The following ATP9A variants were observed in gnomAD, a reference collection of about 807,000 sequenced individuals.
The protein encoded by ATP9A is ATPase phospholipid transporting 9A.
ATP9A carries 52 observed loss-of-function variants against 144.1 expected under a neutral mutation model. The ratio of observed to expected loss-of-function variants is 0.36; its 90% CI spans 0.29 to 0.45. The LOEUF is 0.45. ATP9A is among the 20% of genes least tolerant of loss of function. ATP9A has a pLI of 1.00. For synonymous variants in ATP9A, 582 were observed against 557.4 expected (o/e 1.04, Z -0.62); for missense variants, 947 against 1,392.7 (o/e 0.68, Z 5.09).
Position 51,639,305 on chromosome 20 carries a change from T to C in ATP9A, c.1668+38A>G, listed in dbSNP as rs765712082. ...AGGGACACACGCAGCACACCTGGGG[T>C]ACTTAAGCACTTTAAGCCATGAATA... On this transcript the variant is annotated intron_variant, in intron 15 of 27. Coordinates refer to ENST00000338821, the MANE Select transcript of ATP9A (RefSeq NM_006045.3). 5 of 1,580,004 alleles carry C rather than the reference T, an allele frequency of 3.2e-6. No homozygotes were observed. The East Asian group carries it at 6.8e-5, about 21-fold the overall frequency.
intron 14 of ATP9A, among the ~76,000 whole-genome samples, chr20:51,642,179 G>C (rs538414662): frequency 1.1e-3 from 167 of 151,974 alleles, no homozygotes; most frequent in African/African-American, 3.8e-3. Flanking sequence ...TTTCGTGATG[G>C]AGTCTCACTC....
intron 4 of ATP9A, among the ~76,000 whole-genome samples, chr20:51,703,578 A>G (rs1903604187): frequency 1.3e-5 from 2 of 152,046 alleles, no homozygotes; most frequent in African/African-American, 4.8e-5. Flanking sequence ...GTAGCGATGG[A>G]CCCCCAAGCC....
At chr20:51,700,585 C>A (rs761377126) in intron 4 of ATP9A, among the ~76,000 whole-genome samples, 1 of 152,226 alleles carries the variant, frequency 6.6e-6, no homozygotes, top group African/African-American at 2.4e-5. Flanking sequence ...AATCCCAACA[C>A]TTTGGGAGGC....
At chr20:51,641,682 T>G (rs1601076239) in intron 14 of ATP9A, among the ~76,000 whole-genome samples, 1 of 150,560 alleles carries the variant, frequency 6.6e-6, no homozygotes. Context: ...AAATAAAAAA[T>G]AAGCTGGGCG....
chr20:51,635,826 G>GGAAGGAAGGAAGGAAGGAAGGAACGA (rs1193048703), intron 15 of ATP9A, among the ~76,000 whole-genome samples: 1 of 46,830 alleles, frequency 2.1e-5, no homozygotes, highest in Non-Finnish European at 4.2e-5. Flanking sequence ...GGAAGGAAGG[G>GGAAGGAAGGAAGGAAGGAAGGAACGA]AGGGAGGGAG....
chr20:51,671,568 C>T (rs2077456040), intron 11 of ATP9A, among the ~76,000 whole-genome samples: 1 of 152,002 alleles, frequency 6.6e-6, no homozygotes, highest in South Asian at 2.1e-4. Flanking sequence ...ATTTTTGATG[C>T]TATATTCATT....
At chr20:51,676,107 A>G (rs1341795286) in intron 10 of ATP9A, 25 bp downstream of exon 10, 2 of 1,590,870 alleles carry the variant, frequency 1.3e-6, no homozygotes, top group Non-Finnish European at 1.7e-6. Context: ...CAGCCGGTCA[A>G]TGTACCCCAT....
At chr20:51,627,578 G>A (rs1274724044) in intron 17 of ATP9A, 22 bp downstream of exon 17, 49 of 1,609,964 alleles carry the variant, frequency 3.0e-5, no homozygotes, top group Non-Finnish European at 3.9e-5. Flanking sequence ...AAAGGCAATG[G>A]AAAGGTCCCA....
intron 15 of ATP9A, among the ~76,000 whole-genome samples, chr20:51,638,852 C>T (rs796634335): frequency 4.6e-5 from 7 of 152,150 alleles, no homozygotes; most frequent in African/African-American, 1.7e-4. Flanking sequence ...AACAACATAT[C>T]AAATCCAATC....
At chr20:51,667,677 G>A (rs1377479413) in intron 13 of ATP9A, among the ~76,000 whole-genome samples, 1 of 152,132 alleles carries the variant, frequency 6.6e-6, no homozygotes, top group Non-Finnish European at 1.5e-5. Context: ...GGAAAGCCGG[G>A]CAGCTACTGT....
intron 1 of ATP9A, among the ~76,000 whole-genome samples, chr20:51,767,028 G>T (rs1293713922): frequency 6.6e-6 from 1 of 151,164 alleles, no homozygotes; most frequent in Non-Finnish European, 1.5e-5. Context: ...GGAGGATTCA[G>T]GAAGCCAGGG....
Position 51,708,279 on chromosome 20 carries a change from C to T in ATP9A, c.436+4687G>A, listed in dbSNP as rs377659259. The stretch of plus-strand genomic sequence containing the variant: ...ACCAGCCTGGGCAACATGGCGAAAT[C>T]CCATCTCTATGATTTAAAAAAAAAA... On this transcript the variant is annotated intron_variant, in intron 4 of 27. Transcript: ENST00000338821. Among the ~76,000 whole-genome samples, 23 of 149,622 alleles carry T rather than the reference C, an allele frequency of 1.5e-4. 3 individuals carry two copies. Among genetic ancestry groups the T allele is most frequent in the Admixed American group, 2.0e-4 (3 of 15,036 alleles).
At chr20:51,640,147 T>G (rs978887003) in intron 14 of ATP9A, among the ~76,000 whole-genome samples, 4 of 151,294 alleles carry the variant, frequency 2.6e-5, no homozygotes, top group Admixed American at 1.3e-4. Context: ...TACGGATCAC[T>G]CCTGGAAGTA....
intron 3 of ATP9A, among the ~76,000 whole-genome samples, chr20:51,722,594 G>A (rs1315890546): frequency 1.3e-5 from 2 of 152,162 alleles, no homozygotes; most frequent in African/African-American, 2.4e-5. Flanking sequence ...ATGAAAAAAT[G>A]ATCAACATCA....
At chr20:51,695,172 G>A (rs2869429) in intron 6 of ATP9A, among the ~76,000 whole-genome samples, 37,185 of 151,976 alleles carry the variant, frequency 0.24, 4,870 homozygotes, top group Non-Finnish European at 0.27. Context: ...CCTCAGAACA[G>A]CTTAAATAAC....
intron 22 of ATP9A, among the ~76,000 whole-genome samples, chr20:51,615,014 T>A (rs2077197587): frequency 9.8e-6 from 1 of 101,558 alleles, no homozygotes; most frequent in African/African-American, 4.6e-5. Flanking sequence ...CCATTATATA[T>A]CAATGTTAAC....
chr20:51,726,578 G>C (rs2077714248), intron 2 of ATP9A, among the ~76,000 whole-genome samples: 1 of 152,024 alleles, frequency 6.6e-6, no homozygotes, highest in South Asian at 2.1e-4. Flanking sequence ...GTGTGTTTTG[G>C]GGTTTGGTTT....
chr20:51,641,796 A>C (rs1311047057), intron 14 of ATP9A, among the ~76,000 whole-genome samples: 1 of 136,374 alleles, frequency 7.3e-6, no homozygotes, highest in Non-Finnish European at 1.5e-5. Flanking sequence ...GCGCCATTGC[A>C]CTCCAGTTTG....
At chr20:51,710,742 G>C (rs566675975) in intron 4 of ATP9A, among the ~76,000 whole-genome samples, 4 of 152,296 alleles carry the variant, frequency 2.6e-5, no homozygotes, top group South Asian at 2.1e-4. Flanking sequence ...TTTAATGCTA[G>C]AGCCATCTGC....
Sources: gnomAD v4.1 joint callset for allele counts (sites outside exome capture counted in the v4.1 genomes callset) on GRCh38, gnomAD v4.1.1 for gene constraint, MANE v1.5 for transcripts, NCBI Gene and HGNC (gene_info 2026-07-23, HGNC 2026-07-21) for gene names.